ITGB5: variants seen among roughly 807,000 people sequenced by gnomAD.
ITGB5 encodes integrin beta-5.
A neutral mutation model predicts 84.8 loss-of-function variants in ITGB5; 38 were observed. That is an observed-to-expected ratio of 0.45 (90% CI 0.35 to 0.59). The LOEUF (loss-of-function observed/expected upper bound fraction) is 0.59. Ranked by LOEUF, ITGB5 falls within the 20% of genes least tolerant of loss-of-function variation. The pLI is 0.01. For missense variants in ITGB5, 905 were observed against 1,034.5 expected (o/e 0.87, Z 1.72); for synonymous variants, 393 against 414.4 (o/e 0.95, Z 0.63).
At position 124,762,260 on chromosome 3, in the gene ITGB5, T is replaced by G. The variant is rs140809667; in HGVS notation, c.*1363A>C. 6.6e-6 allele frequency: 1 copy of G among 152,186 alleles called. No individual in the cohort carries two copies. The highest frequency in any genetic ancestry group is 1.5e-5 in the Non-Finnish European group (1 of 68,042). The allele number at this position is 152,186 out of a possible 1,614,324, so 9.4% of individuals were successfully genotyped here. A position where few individuals can be genotyped will look rare whatever the true frequency, so the allele number is the denominator to read the frequency against. ...CATTTGGAATGAAAGCATAATAACC[T>G]TGAAGTTATTCCAGTGACAAAAAAT... On this transcript the variant is annotated 3_prime_UTR_variant, in exon 15 of 15. Transcript: ENST00000296181.
chr3:124,803,099 CCT>C (rs1202762481), intron 9 of ITGB5, among the ~76,000 whole-genome samples: 1 of 152,216 alleles, frequency 6.6e-6, no homozygotes, highest in African/African-American at 2.4e-5. Flanking sequence ...CACTTCAATA[CCT>C]CTGAGATTTT....
At chr3:124,776,086 G>A (rs989810240) in intron 10 of ITGB5, among the ~76,000 whole-genome samples, 1 of 152,260 alleles carries the variant, frequency 6.6e-6, no homozygotes, top group African/African-American at 2.4e-5. Flanking sequence ...CCCGGAGTCC[G>A]CTGTGGAATG....
Position 124,887,075 on chromosome 3 carries a change from CGCGGGGGCCGAGGGCCGGG to C in ITGB5, c.-94_-76del. 5.0e-6 allele frequency: 3 copies of C among 595,614 alleles called. No homozygotes were observed. The highest frequency in any genetic ancestry group is 4.2e-6 in the Non-Finnish European group (2 of 474,922). The allele number at this position is 595,614 out of a possible 1,614,324, so 36.9% of individuals were successfully genotyped here. A position where few individuals can be genotyped will look rare whatever the true frequency, so the allele number is the denominator to read the frequency against. The stretch of plus-strand genomic sequence containing the variant: ...CCGGCGGCCGGGGCTGGGGCCGGAG[CGCGGGGGCCGAGGGCCGGG>C]GGCCGCAGCCGCATGCCCCGCGCGC... On this transcript the variant is annotated 5_prime_UTR_variant, in exon 1 of 15. The change abolishes the stop of an existing upstream ORF in the 5' untranslated region. Transcript: ENST00000296181.
chr3:124,874,063 TAAAA>T (rs34076180), intron 1 of ITGB5, among the ~76,000 whole-genome samples: 1 of 142,376 alleles, frequency 7.0e-6, no homozygotes, highest in Admixed American at 7.0e-5. Context: ...ATAGGTCAAA[TAAAA>T]AAAAAAAAAA....
At chr3:124,806,813 T>A (rs1351268358) in intron 9 of ITGB5, among the ~76,000 whole-genome samples, 1 of 150,098 alleles carries the variant, frequency 6.7e-6, no homozygotes, top group Non-Finnish European at 1.5e-5. Flanking sequence ...TTTTTAATCA[T>A]CTGGATTGAG....
In ITGB5 at chr3:124,773,703, A is replaced by G; in HGVS notation, c.1903T>C (p.Cys635Arg). The G allele has an allele frequency of 2.5e-6, 4 of 1,612,224 alleles. No individual in the cohort carries two copies. Among genetic ancestry groups the G allele is most frequent in the Non-Finnish European group, 2.5e-6 (3 of 1,179,992 alleles). Residue 635 changes from cysteine (C) to arginine (R), a missense_variant, in exon 11 of 15, where the codon TGC becomes CGC. Cys to Arg is a radical substitution (Grantham distance 180). This residue lies in a region of ITGB5 where 116 missense variants were observed against 177.0 expected (regional missense o/e 0.66). Transcript: ENST00000296181. ...TGGAACCAGTACCTCTTGGTGCTGC[A>G]TGCATCCGGGCAGGTGGGGCACTTC... Reference protein sequence around the residue: ...CEKCPTCPDACSTKRDCVECL... With the variant: ...CEKCPTCPDARSTKRDCVECL...
At chr3:124,809,285 T>G in intron 8 of ITGB5, 129 bp from the exon 9 acceptor site, 3 of 945,586 alleles carry the variant, frequency 3.2e-6, no homozygotes, top group Non-Finnish European at 4.8e-6. Context: ...GAAGAGCCAG[T>G]GAGCTTGGTT....
chr3:124,768,548 C>T (rs552881192), intron 12 of ITGB5, among the ~76,000 whole-genome samples: 5 of 152,334 alleles, frequency 3.3e-5, no homozygotes, highest in African/African-American at 1.2e-4. Context: ...CAGGCCTCAC[C>T]GTGCCGTAGC....
At chr3:124,886,853 C>T in intron 1 of ITGB5, 78 bp downstream of exon 1, 1 of 933,600 alleles carries the variant, frequency 1.1e-6, no homozygotes, top group Non-Finnish European at 1.4e-6. Context: ...CGCCTGCGCT[C>T]CCCGCCCCTC....
chr3:124,810,910 TTC>T (rs1170747484), intron 8 of ITGB5, among the ~76,000 whole-genome samples: 2 of 146,756 alleles, frequency 1.4e-5, no homozygotes, highest in African/African-American at 5.0e-5. Context: ...CTTGTGGGTT[TTC>T]TTTCTTTCTT....
chr3:124,866,376 T>C (rs1404099777), intron 2 of ITGB5, among the ~76,000 whole-genome samples: 1 of 152,240 alleles, frequency 6.6e-6, no homozygotes, highest in African/African-American at 2.4e-5. Context: ...AGCCAGTGCA[T>C]TCAGGTTCCT....
At chr3:124,887,719 A>G (rs748244705), upstream of ITGB5, 1 of 452,580 alleles carries the variant, frequency 2.2e-6, no homozygotes, top group South Asian at 1.6e-5. Context: ...CTTGGGCCAA[A>G]GGCGGTTGCT....
At chr3:124,879,027 T>C (rs1233662901) in intron 1 of ITGB5, among the ~76,000 whole-genome samples, 1 of 152,198 alleles carries the variant, frequency 6.6e-6, no homozygotes, top group Non-Finnish European at 1.5e-5. Context: ...TCTAAAAATA[T>C]GTTCTTCCAA....
chr3:124,842,470 G>A, intron 4 of ITGB5, among the ~76,000 whole-genome samples: 1 of 152,210 alleles, frequency 6.6e-6, no homozygotes. Context: ...GGGAAGAGGG[G>A]AGAGTGTCCC....
chr3:124,824,287 C>T (rs943779450), intron 5 of ITGB5, among the ~76,000 whole-genome samples: 1 of 152,172 alleles, frequency 6.6e-6, no homozygotes, highest in African/African-American at 2.4e-5. Context: ...TAGATCCACA[C>T]ATATCTAGTC....
At chr3:124,785,322 G>A (rs528828318) in intron 10 of ITGB5, among the ~76,000 whole-genome samples, 6 of 151,774 alleles carry the variant, frequency 4.0e-5, no homozygotes, top group African/African-American at 1.5e-4. Context: ...GGTGGCTCAC[G>A]CCTATAATCC....
intron 12 of ITGB5, among the ~76,000 whole-genome samples, chr3:124,766,697 G>GAA (rs1286473953): frequency 6.6e-6 from 1 of 152,166 alleles, no homozygotes; most frequent in African/African-American, 2.4e-5. Flanking sequence ...AAGAAAGAAA[G>GAA]AAAAACCATC....
chr3:124,894,625 G>A (rs941075263), intron 1 of ITGB5: 1 of 152,098 alleles, frequency 6.6e-6, no homozygotes, highest in Admixed American at 6.6e-5. Flanking sequence ...TTTCCTGGAT[G>A]TTTTCTCATA....
At chr3:124,883,656 G>C (rs1001360955) in intron 1 of ITGB5, among the ~76,000 whole-genome samples, 9 of 152,162 alleles carry the variant, frequency 5.9e-5, no homozygotes, top group African/African-American at 2.2e-4. Flanking sequence ...GGCTTTCTTA[G>C]GATGTGCAGA....
Sources: gnomAD v4.1 joint callset for allele counts (sites outside exome capture counted in the v4.1 genomes callset) on GRCh38, gnomAD v4.1.1 for gene constraint, gnomAD v4.1.1 regional missense constraint, MANE v1.5 for transcripts, NCBI Gene and HGNC (gene_info 2026-07-23, HGNC 2026-07-21) for gene names.